SCAPER: variants seen among roughly 807,000 people sequenced by gnomAD.
The protein encoded by SCAPER is S-phase cyclin A associated protein in the ER.
A neutral mutation model predicts 182.2 loss-of-function variants in SCAPER; 98 were observed. That is an observed-to-expected ratio of 0.54 (90% CI 0.46 to 0.64). SCAPER has a LOEUF of 0.64. Ranked by LOEUF, SCAPER falls within the 30% of genes least tolerant of loss-of-function variation. The pLI is 0.00. For missense variants in SCAPER, 1,432 were observed against 1,690.0 expected, an observed-to-expected ratio of 0.85 and a Z score of 2.68; for synonymous variants, 605 against 564.6, an observed-to-expected ratio of 1.07 and a Z score of -1.01.
In SCAPER at chr15:76,766,957, A is replaced by G. The variant is rs751508912; in HGVS notation, c.1380T>C (p.Asn460=). The part of the protein sequence containing the change: ...LTREIEAEEN[N]DINIETDNDS... ...CGTTGTCAGTTTCAATGTTAATATC[A>G]TTGTTTTCTTCAGCTTCAATTTCTC... Residue 460 remains asparagine (N), a synonymous_variant, in exon 11 of 32, where the codon AAT becomes AAC. Coordinates refer to ENST00000563290, the MANE Select transcript of SCAPER (RefSeq NM_020843.4). 2 of 1,608,764 alleles carry G rather than the reference A, an allele frequency of 1.2e-6. No homozygotes were observed. Among genetic ancestry groups the G allele is most frequent in the Non-Finnish European group, 1.7e-6 (2 of 1,178,160 alleles).
At chr15:76,581,955 A>C (rs944028790) in intron 22 of SCAPER, among the ~76,000 whole-genome samples, 13 of 152,180 alleles carry the variant, frequency 8.5e-5, no homozygotes, top group African/African-American at 3.1e-4. Flanking sequence ...GTATAGAAGG[A>C]ACATACCTCA....
At chr15:76,411,848 A>G (rs1437376439) in intron 26 of SCAPER, among the ~76,000 whole-genome samples, 1 of 152,076 alleles carries the variant, frequency 6.6e-6, no homozygotes, top group Non-Finnish European at 1.5e-5. Context: ...GTATGATTTT[A>G]TTTTGCATTT....
intron 27 of SCAPER, chr15:76,385,128 TG>T (rs1178618740): frequency 2.0e-5 from 3 of 152,206 alleles, no homozygotes; most frequent in Non-Finnish European, 2.9e-5. Flanking sequence ...AAACTAAAAT[TG>T]GTTTTTCATC....
intron 29 of SCAPER, among the ~76,000 whole-genome samples, chr15:76,355,198 T>G (rs184139468): frequency 6.6e-5 from 10 of 152,354 alleles, no homozygotes; most frequent in African/African-American, 9.6e-5. Flanking sequence ...GAACACACTC[T>G]CAGATGATAA....
At chr15:76,386,546 G>C (rs1319672097) in intron 27 of SCAPER, among the ~76,000 whole-genome samples, 1 of 152,178 alleles carries the variant, frequency 6.6e-6, no homozygotes, top group African/African-American at 2.4e-5. Flanking sequence ...GACATGGCTA[G>C]GAAATGAAGA....
intron 23 of SCAPER, among the ~76,000 whole-genome samples, chr15:76,561,445 C>G (rs2046613739): frequency 6.6e-6 from 1 of 151,878 alleles, no homozygotes; most frequent in African/African-American, 2.4e-5. Flanking sequence ...TTTTTAGTAT[C>G]TTTTGCACAG....
intron 26 of SCAPER, among the ~76,000 whole-genome samples, chr15:76,414,085 A>G (rs1436182814): frequency 4.6e-5 from 7 of 152,138 alleles, no homozygotes; most frequent in Admixed American, 3.3e-4. Context: ...TAATTGCTAC[A>G]TTTATGTTCA....
intron 20 of SCAPER, among the ~76,000 whole-genome samples, chr15:76,670,129 T>G (rs1459605497): frequency 1.3e-5 from 2 of 152,122 alleles, no homozygotes; most frequent in Non-Finnish European, 2.9e-5. Context: ...TGTTTTTGTT[T>G]GACTTAATAG....
At chr15:76,736,685 C>G (rs942518240) in intron 15 of SCAPER, 2 of 153,710 alleles carry the variant, frequency 1.3e-5, no homozygotes, top group Admixed American at 6.5e-5. Context: ...CCCCATTGAT[C>G]GCCAGGGTTG....
chr15:76,793,405 G>A, intron 8 of SCAPER: 1 of 611,324 alleles, frequency 1.6e-6, no homozygotes, highest in Non-Finnish European at 2.9e-6. Context: ...GAAACAACAA[G>A]GCAGTATTAG....
chr15:76,717,700 A>G lies in SCAPER; in HGVS notation c.2165+10895T>C, dbSNP rs2059964380. 5.3e-5 allele frequency among the ~76,000 whole-genome samples: 8 copies of G among 152,172 alleles called. No individual in the cohort carries two copies. The South Asian group carries it at 1.7e-3, about 32-fold the overall frequency. On this transcript the variant is annotated intron_variant, in intron 17 of 31. Transcript: ENST00000563290. ...ACTATAGCAAATATACAAATAATAA[A>G]GAGATCATTATTTAATGATAAAGGG...
Position 76,716,527 on chromosome 15 carries a change from G to C in SCAPER, c.2166-10543C>G, listed in dbSNP as rs1239558288. Reference sequence around the variant, plus strand: ...AAATAATGAACAAAGGAAACTCAGTGAAACATAAGAGAATAAAAACAGACC... The same window carrying C: ...AAATAATGAACAAAGGAAACTCAGTCAAACATAAGAGAATAAAAACAGACC... On this transcript the variant is annotated intron_variant, in intron 17 of 31. Coordinates refer to ENST00000563290, the MANE Select transcript of SCAPER (RefSeq NM_020843.4). 2.6e-5 allele frequency among the ~76,000 whole-genome samples: 4 copies of C among 151,726 alleles called. No homozygotes were observed. The South Asian group carries it at 8.3e-4, about 32-fold the overall frequency.
At chr15:76,694,848 T>C (rs1028314441) in intron 20 of SCAPER, among the ~76,000 whole-genome samples, 2 of 152,118 alleles carry the variant, frequency 1.3e-5, no homozygotes, top group Non-Finnish European at 2.9e-5. Flanking sequence ...AATATTAATA[T>C]AGACAAGCTA....
At chr15:76,654,379 G>A (rs980606459) in intron 21 of SCAPER, among the ~76,000 whole-genome samples, 3 of 152,170 alleles carry the variant, frequency 2.0e-5, no homozygotes, top group East Asian at 1.9e-4. Flanking sequence ...CTGCACTCCA[G>A]CCTGGGTGAC....
intron 30 of SCAPER, among the ~76,000 whole-genome samples, chr15:76,353,589 C>T (rs2040753844): frequency 1.3e-5 from 2 of 152,152 alleles, no homozygotes; most frequent in Admixed American, 6.5e-5. Context: ...CATCTTTCTT[C>T]AGTAATTATC....
At chr15:76,874,623 C>G (rs1422939814) in intron 2 of SCAPER, among the ~76,000 whole-genome samples, 1 of 152,044 alleles carries the variant, frequency 6.6e-6, no homozygotes, top group Non-Finnish European at 1.5e-5. Flanking sequence ...ATCCTAGAAA[C>G]CTCCACACAT....
At chr15:76,901,134 G>A (rs1018875574) in intron 1 of SCAPER, among the ~76,000 whole-genome samples, 3 of 152,194 alleles carry the variant, frequency 2.0e-5, no homozygotes, top group African/African-American at 7.2e-5. Context: ...GGAGGCTGAG[G>A]CAGGAGAATC....
At chr15:76,472,208 G>A (rs968612923) in intron 24 of SCAPER, 1 of 521,898 alleles carries the variant, frequency 1.9e-6, no homozygotes, top group Admixed American at 2.1e-5. Flanking sequence ...CAAAGCCAGA[G>A]CCCAACCCTA....
At chr15:76,510,862 C>CGT (rs1326637728) in intron 23 of SCAPER, among the ~76,000 whole-genome samples, 4 of 116,464 alleles carry the variant, frequency 3.4e-5, no homozygotes, top group African/African-American at 8.7e-5. Context: ...AACTGGTGCG[C>CGT]GCGTGTGTGT....
Sources: gnomAD v4.1 joint callset for allele counts (sites outside exome capture counted in the v4.1 genomes callset) on GRCh38, gnomAD v4.1.1 for gene constraint, MANE v1.5 for transcripts, NCBI Gene and HGNC (gene_info 2026-07-23, HGNC 2026-07-21) for gene names.